The following LONRF1 variants were observed in gnomAD, a reference collection of about 807,000 sequenced individuals.
LONRF1 encodes LON peptidase N-terminal domain and RING finger protein 1.
In LONRF1, 37 loss-of-function variants were observed where a neutral mutation model predicts 85.8. The ratio of observed to expected loss-of-function variants is 0.43; its 90% CI spans 0.33 to 0.57. The LOEUF is 0.57. LONRF1 is among the 20% of genes least tolerant of loss of function. LONRF1 has a pLI of 0.04. For missense variants in LONRF1, 1,036 were observed against 978.0 expected (o/e 1.06, Z -0.79); for synonymous variants, 517 against 390.1 (o/e 1.33, Z -3.83).
intron 11 of LONRF1, among the ~76,000 whole-genome samples, chr8:12,725,278 A>C (rs1351531068): frequency 6.6e-6 from 1 of 152,224 alleles, no homozygotes; most frequent in African/African-American, 2.4e-5. Context: ...GTTGGGTCAA[A>C]TGTTGGGAGA....
At chr8:12,742,593 T>C (rs1339354177) in intron 2 of LONRF1, among the ~76,000 whole-genome samples, 2 of 152,220 alleles carry the variant, frequency 1.3e-5, no homozygotes, top group African/African-American at 2.4e-5. Flanking sequence ...CTTCACAATA[T>C]GGCAAGTTGT....
chr8:12,731,941 C>T, intron 7 of LONRF1, 84 bp from the exon 8 acceptor site: 1 of 1,248,298 alleles, frequency 8.0e-7, no homozygotes, highest in Non-Finnish European at 1.1e-6. Context: ...TATATTAAAG[C>T]CTTTATTACA....
At chr8:12,744,876 A>AT (rs57643347) in intron 1 of LONRF1, among the ~76,000 whole-genome samples, 126,234 of 151,564 alleles carry the variant, frequency 0.83, 53,125 homozygotes, top group East Asian at 0.93. Context: ...TTGGATTTTT[A>AT]TTTTTTTTAA....
At chr8:12,743,799 T>C (rs1390151411) in intron 1 of LONRF1, among the ~76,000 whole-genome samples, 1 of 152,180 alleles carries the variant, frequency 6.6e-6, no homozygotes, top group Admixed American at 6.5e-5. Context: ...GGAAATGGGT[T>C]AATAAGAGTC....
chr8:12,751,557 G>C (rs550871949), intron 1 of LONRF1, among the ~76,000 whole-genome samples: 22 of 151,564 alleles, frequency 1.5e-4, no homozygotes, highest in African/African-American at 4.8e-4. Context: ...CGCCCGCCTC[G>C]GTCTCCCAAA....
chr8:12,750,889 C>A (rs1305191144), intron 1 of LONRF1, among the ~76,000 whole-genome samples: 1 of 152,192 alleles, frequency 6.6e-6, no homozygotes, highest in Non-Finnish European at 1.5e-5. Context: ...TAACACACTT[C>A]TACATTTTAA....
chr8:12,739,721 T>C (rs1168731472), intron 3 of LONRF1, among the ~76,000 whole-genome samples: 1 of 152,164 alleles, frequency 6.6e-6, no homozygotes, highest in Non-Finnish European at 1.5e-5. Context: ...AGCAAACAAA[T>C]AGTTACAGAA....
intron 1 of LONRF1, among the ~76,000 whole-genome samples, chr8:12,748,326 G>C (rs6530967): frequency 0.81 from 122,740 of 151,936 alleles, 50,018 homozygotes; most frequent in East Asian, 0.94. Context: ...AGCCTCAGTA[G>C]CTGGGACTCC....
intron 7 of LONRF1, among the ~76,000 whole-genome samples, chr8:12,733,364 G>A (rs1229389747): frequency 6.6e-6 from 1 of 151,996 alleles, no homozygotes; most frequent in Non-Finnish European, 1.5e-5. Context: ...TCCAACAATT[G>A]GTTTTAAGGG....
At chr8:12,724,164 A>G (rs1026838280) in intron 11 of LONRF1, among the ~76,000 whole-genome samples, 20 of 152,130 alleles carry the variant, frequency 1.3e-4, no homozygotes, top group Admixed American at 1.1e-3. Context: ...GACATTACAA[A>G]CTGTCTTCTA....
At chr8:12,754,551 C>T in intron 1 of LONRF1, 149 bp downstream of exon 1, 1 of 947,288 alleles carries the variant, frequency 1.1e-6, no homozygotes, top group Non-Finnish European at 1.4e-6. Context: ...TCCCACACCC[C>T]CCAGCACCCC....
At chr8:12,739,098 C>A (rs925791875) in intron 3 of LONRF1, among the ~76,000 whole-genome samples, 2 of 152,004 alleles carry the variant, frequency 1.3e-5, no homozygotes, top group Non-Finnish European at 2.9e-5. Context: ...AAACACACAT[C>A]CACCCTAGAA....
intron 1 of LONRF1, chr8:12,753,623 T>C (rs1799500151): frequency 6.6e-6 from 1 of 152,158 alleles, no homozygotes; most frequent in Non-Finnish European, 1.5e-5. Flanking sequence ...TTGTTCTAAA[T>C]AATGCCCCCT....
intron 8 of LONRF1, among the ~76,000 whole-genome samples, chr8:12,729,948 T>C (rs1381036334): frequency 6.6e-6 from 1 of 152,116 alleles, no homozygotes; most frequent in Non-Finnish European, 1.5e-5. Flanking sequence ...AATGGCAGCA[T>C]GGGGGCACTC....
Position 12,737,025 on chromosome 8 carries a change from C to CT in LONRF1, c.1228dup (p.Arg410LysfsTer32), listed in dbSNP as rs760457264. The CT allele has an allele frequency of 6.2e-7, 1 of 1,613,548 alleles. No individual in the cohort carries two copies. The highest frequency in any genetic ancestry group is 8.5e-7 in the Non-Finnish European group (1 of 1,179,734). On this transcript the variant is annotated frameshift_variant, in exon 5 of 12. Transcript: ENST00000398246. LOFTEE classifies it high-confidence loss of function. The stretch of plus-strand genomic sequence containing the variant: ...TGACAGAACAGGTTCTGAGGACACT[C>CT]TTTTTAAACAGTCCTCTCTGGCAGG...
chr8:12,727,157 C>T (rs1350752787), intron 10 of LONRF1: 1 of 148,792 alleles, frequency 6.7e-6, no homozygotes, highest in African/African-American at 2.5e-5. Flanking sequence ...GCTCTGCACC[C>T]TCACAAAATT....
chr8:12,722,894 T>C lies in LONRF1; in HGVS notation c.*202A>G. 2.0e-6 allele frequency: 1 copy of C among 511,052 alleles called. No individual in the cohort carries two copies. The highest frequency in any genetic ancestry group is 2.6e-5 in the South Asian group (1 of 39,200). The allele number at this position is 511,052 out of a possible 1,614,324, so 31.7% of individuals were successfully genotyped here. ...AGAGGTTCGACACACATTCAATGCGTGTTTTTCTGTGCAAGTTCTTAGTGG... is the reference window on the plus strand; with the variant it reads ...AGAGGTTCGACACACATTCAATGCGCGTTTTTCTGTGCAAGTTCTTAGTGG... On this transcript the variant is annotated 3_prime_UTR_variant, in exon 12 of 12. Coordinates refer to ENST00000398246, the MANE Select transcript of LONRF1 (RefSeq NM_152271.5).
chr8:12,731,895 T>A (rs1798542272), intron 7 of LONRF1, 38 bp from the exon 8 acceptor site: 1 of 1,595,852 alleles, frequency 6.3e-7, no homozygotes. Flanking sequence ...AGCAGTGGTT[T>A]TCCTACAGTA....
intron 7 of LONRF1, among the ~76,000 whole-genome samples, chr8:12,734,427 TCCTGTCAATCAC>T (rs1311089991): frequency 6.6e-6 from 1 of 152,136 alleles, no homozygotes; most frequent in Non-Finnish European, 1.5e-5. Flanking sequence ...TTTTAAGCAA[TCCTGTCAATCAC>T]CAGAGACAGA....
Sources: gnomAD v4.1 joint callset for allele counts (sites outside exome capture counted in the v4.1 genomes callset) on GRCh38, gnomAD v4.1.1 for gene constraint, MANE v1.5 for transcripts, NCBI Gene and HGNC (gene_info 2026-07-23, HGNC 2026-07-21) for gene names.